The following CNBD1 variants were observed in gnomAD, a reference collection of about 807,000 sequenced individuals.
CNBD1 encodes the protein cyclic nucleotide binding domain containing 1.
In CNBD1, 71 loss-of-function variants were observed where a neutral mutation model predicts 54.4. The observed-to-expected ratio is 1.30, with a 90% confidence interval of 1.08 to 1.59. The LOEUF is 1.59. CNBD1 is among the 40% of genes most tolerant of loss of function. The pLI is 0.00. For missense variants in CNBD1, 659 were observed against 518.0 expected, an observed-to-expected ratio of 1.27 and a Z score of -2.64; for synonymous variants, 182 against 170.7, an observed-to-expected ratio of 1.07 and a Z score of -0.51.
chr8:87,150,028 T>G (rs1029559734), intron 4 of CNBD1, among the ~76,000 whole-genome samples: 1 of 152,046 alleles, frequency 6.6e-6, no homozygotes, highest in East Asian at 1.9e-4. Context: ...ATATAAAAAC[T>G]TAGCCTGGCG....
intron 4 of CNBD1, among the ~76,000 whole-genome samples, chr8:87,033,976 T>C (rs780339465): frequency 9.9e-5 from 15 of 152,214 alleles, no homozygotes; most frequent in Non-Finnish European, 2.2e-4. Flanking sequence ...GCTTTTCTTA[T>C]GGCTGTCCTG....
chr8:87,310,801 A>G (rs1809248469), intron 8 of CNBD1, among the ~76,000 whole-genome samples: 2 of 152,168 alleles, frequency 1.3e-5, no homozygotes, highest in Admixed American at 6.6e-5. Flanking sequence ...CCAATGGAAA[A>G]GAATAGAGAA....
rs116660785 is a variant in CNBD1, at chr8:87,359,470, A to G, written c.1303+5684A>G. On this transcript the variant is annotated intron_variant, in intron 10 of 10. Coordinates refer to ENST00000518476, the MANE Select transcript of CNBD1 (RefSeq NM_173538.3). ...TTGTGTTTATTTCAGAAAGCATTTT[A>G]TTTCTACATTCTAATATTTCATATT... is the stretch of plus-strand genomic sequence containing the variant. Among the ~76,000 whole-genome samples, 1,174 of 152,244 alleles carry G rather than the reference A, an allele frequency of 7.7e-3. 13 individuals carry two copies. The highest frequency in any genetic ancestry group is 0.027 in the African/African-American group (1,112 of 41,554).
chr8:86,979,528 T>C (rs1204382074), intron 4 of CNBD1, among the ~76,000 whole-genome samples: 1 of 151,486 alleles, frequency 6.6e-6, no homozygotes, highest in Non-Finnish European at 1.5e-5. Context: ...AAGTCGAGAC[T>C]GTAGTGAGCC....
intron 2 of CNBD1, among the ~76,000 whole-genome samples, chr8:86,888,930 C>T (rs1808724990): frequency 6.6e-6 from 1 of 151,940 alleles, no homozygotes. Flanking sequence ...TCAAAGTATC[C>T]CCTCTAAATA....
chr8:86,949,928 T>A (rs922436265), intron 4 of CNBD1, among the ~76,000 whole-genome samples: 1 of 149,638 alleles, frequency 6.7e-6, no homozygotes, highest in African/African-American at 2.5e-5. Context: ...TATGAAGAGA[T>A]GTTATACTTC....
chr8:87,198,775 A>G lies in CNBD1; in HGVS notation c.432-7218A>G, dbSNP rs79814460. Among the ~76,000 whole-genome samples, 333 of 152,336 alleles carry G rather than the reference A, an allele frequency of 2.2e-3. 6 individuals are homozygous for G. In the East Asian group the frequency reaches 0.056, roughly 25 times the overall value. ...CTGCAGGGAATATGGACTTTACAGA[A>G]TTAGAGGAAAGTATGACTGTATTAG... On this transcript the variant is annotated intron_variant, in intron 4 of 10. Coordinates refer to ENST00000518476, the MANE Select transcript of CNBD1 (RefSeq NM_173538.3).
Position 87,083,589 on chromosome 8 carries a change from T to C in CNBD1, c.432-122404T>C, listed in dbSNP as rs967649324. Among the ~76,000 whole-genome samples, 148 of 146,376 alleles carry C rather than the reference T, an allele frequency of 1.0e-3. 1 individual carries two copies. Among genetic ancestry groups the C allele is most frequent in the Non-Finnish European group, 6.3e-4 (42 of 66,240 alleles). On this transcript the variant is annotated intron_variant, in intron 4 of 10. Coordinates refer to ENST00000518476, the MANE Select transcript of CNBD1 (RefSeq NM_173538.3). ...CTGGACCAAACCAATGTATTTCTTT[T>C]TTTTTTTTTTTTTTTTTGAGACGGA...
rs564473004 is a variant in CNBD1 at position 87,164,921 on chromosome 8, A to AT, written c.432-41064dup. Among the ~76,000 whole-genome samples, 209 of 149,872 alleles carry AT rather than the reference A, an allele frequency of 1.4e-3. 1 individual carries two copies. Among genetic ancestry groups the AT allele is most frequent in the African/African-American group, 4.7e-3 (192 of 40,878 alleles). ...CTTAATGTATGCATTGATAGCTACT[A>AT]TTTTTTTTCTTAGAACTACTTTTGC... On this transcript the variant is annotated intron_variant, in intron 4 of 10. Transcript: ENST00000518476.
At chr8:87,422,890 T>C (rs1807966546) in intron 2 of CNBD1, among the ~76,000 whole-genome samples, 1 of 152,156 alleles carries the variant, frequency 6.6e-6, no homozygotes, top group Non-Finnish European at 1.5e-5. Flanking sequence ...ACGATACTGA[T>C]TCTTCCTACC....
chr8:87,308,042 C>G (rs373305828), intron 8 of CNBD1, among the ~76,000 whole-genome samples: 5 of 152,042 alleles, frequency 3.3e-5, no homozygotes, highest in Admixed American at 6.6e-5. Context: ...CATGTTATGG[C>G]AAAAGTAGCT....
chr8:87,118,691 C>T (rs1362269767), intron 4 of CNBD1, among the ~76,000 whole-genome samples: 8 of 152,162 alleles, frequency 5.3e-5, no homozygotes, highest in Admixed American at 2.6e-4. Flanking sequence ...ATCAAATGAA[C>T]GTTCGTTATA....
chr8:87,299,765 A>G (rs62528091), intron 8 of CNBD1, among the ~76,000 whole-genome samples: 7,332 of 152,242 alleles, frequency 0.048, 220 homozygotes, highest in Non-Finnish European at 0.06. Flanking sequence ...CTCATGGCAG[A>G]TGTGGCCCTA....
intron 4 of CNBD1, among the ~76,000 whole-genome samples, chr8:86,962,796 C>A (rs971767859): frequency 4.1e-5 from 6 of 145,904 alleles, no homozygotes; most frequent in Non-Finnish European, 7.8e-5. Flanking sequence ...AAAAAAAACA[C>A]AAAAAACAAA....
chr8:87,028,188 A>G (rs564622314), intron 4 of CNBD1, among the ~76,000 whole-genome samples: 1 of 152,306 alleles, frequency 6.6e-6, no homozygotes, highest in African/African-American at 2.4e-5. Context: ...TTGAGAGCAG[A>G]TCCTGCTACC....
intron 1 of CNBD1, among the ~76,000 whole-genome samples, chr8:86,885,065 G>C (rs745344185): frequency 2.6e-5 from 4 of 152,040 alleles, no homozygotes; most frequent in Non-Finnish European, 4.4e-5. Context: ...TTATTCTATT[G>C]CTTCCTCTTA....
intron 4 of CNBD1, among the ~76,000 whole-genome samples, chr8:86,953,931 C>T (rs112622736): frequency 1.5e-4 from 23 of 152,296 alleles, no homozygotes; most frequent in African/African-American, 5.1e-4. Context: ...CTCCTTTGGA[C>T]ACTCCAGGGG....
At chr8:87,301,959 A>G (rs190204100) in intron 8 of CNBD1, among the ~76,000 whole-genome samples, 69 of 152,312 alleles carry the variant, frequency 4.5e-4, no homozygotes, top group Non-Finnish European at 8.7e-4. Flanking sequence ...ATCTCTGAAT[A>G]GACCAATAAC....
rs114955953 is a variant in CNBD1, at chr8:87,338,808, T to C, written c.1043-12877T>C. Among the ~76,000 whole-genome samples the C allele has an allele frequency of 6.9e-3, 1,046 of 152,294 alleles. 11 individuals are homozygous for C. Among genetic ancestry groups the C allele is most frequent in the African/African-American group, 0.024 (984 of 41,574 alleles). On this transcript the variant is annotated intron_variant, in intron 8 of 10. Coordinates refer to ENST00000518476, the MANE Select transcript of CNBD1 (RefSeq NM_173538.3). ...ATGTTAATATGTCTTGTAATTTTTC[T>C]TTGTAGCCTGACATGATGTACTGGA...
Sources: allele counts gnomAD v4.1 joint callset (sites outside exome capture counted in the v4.1 genomes callset), GRCh38; gene constraint gnomAD v4.1.1; transcripts MANE v1.5; gene names NCBI Gene and HGNC (gene_info 2026-07-23, HGNC 2026-07-21).